The following MECOM variants were observed in gnomAD, a reference collection of about 807,000 sequenced individuals.
MECOM encodes MDS1 and EVI1 complex locus, also known as histone-lysine N-methyltransferase MECOM.
Under a neutral mutation model 116.3 loss-of-function variants are expected in MECOM, and 13 were observed. The ratio of observed to expected loss-of-function variants is 0.11; its 90% CI spans 0.07 to 0.18. The LOEUF is 0.18. Among genes scored for constraint, MECOM ranks in the 10% least tolerant of loss-of-function variants. The pLI, the probability that MECOM is intolerant of heterozygous loss-of-function variation, is 1.00. For synonymous variants in MECOM, 528 were observed against 535.2 expected (o/e 0.99, Z 0.19); for missense variants, 1,299 against 1,509.0 (o/e 0.86, Z 2.31).
chr3:169,279,372 C>A (rs945892958), intron 2 of MECOM, among the ~76,000 whole-genome samples: 14 of 152,100 alleles, frequency 9.2e-5, no homozygotes, highest in African/African-American at 3.1e-4. Flanking sequence ...TCCTTCCCCC[C>A]ACTACACAAA....
intron 2 of MECOM, among the ~76,000 whole-genome samples, chr3:169,282,726 C>T (rs187729563): frequency 2.2e-3 from 327 of 152,072 alleles, no homozygotes; most frequent in Middle Eastern, 6.8e-3. Context: ...TCATCACATA[C>T]CCATCAATAA....
intron 2 of MECOM, among the ~76,000 whole-genome samples, chr3:169,334,612 G>C (rs151031718): frequency 6.6e-6 from 1 of 152,170 alleles, no homozygotes; most frequent in East Asian, 1.9e-4. Context: ...TGAGGTCAGA[G>C]AGGATGCTGA....
At chr3:169,113,841 CT>C (rs959886174) in intron 8 of MECOM, among the ~76,000 whole-genome samples, 10 of 150,798 alleles carry the variant, frequency 6.6e-5, no homozygotes, top group African/African-American at 2.4e-4. Flanking sequence ...CCATTTTATG[CT>C]TTTTTTTTAA....
chr3:169,287,134 C>G (rs922639711), intron 2 of MECOM, among the ~76,000 whole-genome samples: 8 of 152,204 alleles, frequency 5.3e-5, no homozygotes, highest in Non-Finnish European at 1.0e-4. Flanking sequence ...TTCTCTCTCT[C>G]TGTCATGCTT....
chr3:169,098,246 C>A (rs918482889), intron 12 of MECOM, among the ~76,000 whole-genome samples: 1 of 152,090 alleles, frequency 6.6e-6, no homozygotes. Flanking sequence ...TTTTTCTGTT[C>A]CAGGATCTGA....
intron 1 of MECOM, among the ~76,000 whole-genome samples, chr3:169,406,221 T>C (rs1736671670): frequency 6.6e-6 from 1 of 152,208 alleles, no homozygotes; most frequent in African/African-American, 2.4e-5. Context: ...GAAGGGTAGA[T>C]AAATAAGAAC....
intron 1 of MECOM, among the ~76,000 whole-genome samples, chr3:169,498,936 C>T (rs550307291): frequency 2.6e-5 from 4 of 151,796 alleles, no homozygotes; most frequent in African/African-American, 7.2e-5. Context: ...GATGGAAAAG[C>T]GTGAAGTAAA....
At chr3:169,509,836 G>A (rs1755740764) in intron 1 of MECOM, among the ~76,000 whole-genome samples, 1 of 152,152 alleles carries the variant, frequency 6.6e-6, no homozygotes, top group African/African-American at 2.4e-5. Context: ...TAGAGTATCC[G>A]TTTGAGTCTC....
At chr3:169,205,221 A>T (rs1286327912) in intron 2 of MECOM, among the ~76,000 whole-genome samples, 1 of 152,150 alleles carries the variant, frequency 6.6e-6, no homozygotes, top group African/African-American at 2.4e-5. Flanking sequence ...CCCCTCAAAA[A>T]CAGGGTTTAT....
chr3:169,627,830 A>G (rs1060462), intron 1 of MECOM, among the ~76,000 whole-genome samples: 63,502 of 152,084 alleles, frequency 0.42, 13,484 homozygotes, highest in African/African-American at 0.47. Context: ...AACAAGGACA[A>G]TTAGGAAATC....
chr3:169,662,781 C>T (rs1432259620), intron 1 of MECOM, among the ~76,000 whole-genome samples: 1 of 151,974 alleles, frequency 6.6e-6, no homozygotes, highest in Non-Finnish European at 1.5e-5. Context: ...CAGCCGCCCG[C>T]CGCCGCCGCC....
chr3:169,286,989 C>T (rs1026010993), intron 2 of MECOM, among the ~76,000 whole-genome samples: 22 of 152,162 alleles, frequency 1.4e-4, no homozygotes, highest in African/African-American at 4.8e-4. Context: ...TTCCATGAGT[C>T]CTAAATAATA....
At chr3:169,563,222 CAA>C (rs1762859802) in intron 1 of MECOM, among the ~76,000 whole-genome samples, 1 of 152,110 alleles carries the variant, frequency 6.6e-6, no homozygotes, top group Admixed American at 6.6e-5. Flanking sequence ...AATTGGCATG[CAA>C]AGAGACATCA....
chr3:169,160,959 G>A (rs1030016052), intron 2 of MECOM, among the ~76,000 whole-genome samples: 3 of 152,166 alleles, frequency 2.0e-5, no homozygotes, highest in African/African-American at 7.2e-5. Flanking sequence ...CTCAGTAGAC[G>A]CTGTTCAATT....
At chr3:169,495,489 C>T (rs1240154369) in intron 1 of MECOM, among the ~76,000 whole-genome samples, 1 of 152,096 alleles carries the variant, frequency 6.6e-6, no homozygotes, top group Non-Finnish European at 1.5e-5. Context: ...CTGTGTCTGG[C>T]CTGGTTCTTT....
At chr3:169,499,430 A>C (rs879711037) in intron 1 of MECOM, among the ~76,000 whole-genome samples, 13 of 151,838 alleles carry the variant, frequency 8.6e-5, no homozygotes, top group Non-Finnish European at 1.8e-4. Context: ...CTGCTAAAAA[A>C]CAATGGACAA....
intron 2 of MECOM, chr3:169,147,084 G>T: frequency 1.0e-6 from 1 of 987,982 alleles, no homozygotes; most frequent in Non-Finnish European, 1.2e-6. Flanking sequence ...AATGAGCTCG[G>T]AGCTATTCCT....
At chr3:169,548,401 A>C (rs1241983538) in intron 1 of MECOM, among the ~76,000 whole-genome samples, 1 of 152,216 alleles carries the variant, frequency 6.6e-6, no homozygotes, top group Admixed American at 6.5e-5. Context: ...AAGTAAAGAA[A>C]AGCAGCAGTC....
intron 1 of MECOM, among the ~76,000 whole-genome samples, chr3:169,486,765 A>G (rs1191343861): frequency 6.6e-6 from 1 of 152,136 alleles, no homozygotes; most frequent in Non-Finnish European, 1.5e-5. Flanking sequence ...AAAGCAACGT[A>G]TTCTAAATGT....
Sources: gnomAD v4.1 joint callset for allele counts (sites outside exome capture counted in the v4.1 genomes callset) on GRCh38, gnomAD v4.1.1 for gene constraint, MANE v1.5 for transcripts, NCBI Gene and HGNC (gene_info 2026-07-23, HGNC 2026-07-21) for gene names.